Variants in SLC17A3 observed in about 807,000 individuals in gnomAD.
SLC17A3 encodes solute carrier family 17 member 3, also known as sodium-dependent phosphate transport protein 4.
A neutral mutation model predicts 60.3 loss-of-function variants in SLC17A3; 61 were observed. The observed-to-expected ratio is 1.01, with a 90% CI of 0.82 to 1.25. SLC17A3 has a LOEUF of 1.25. Among genes scored for constraint, SLC17A3 ranks in the 50% most tolerant of loss-of-function variants. The pLI is 0.00. For synonymous variants in SLC17A3, 192 were observed against 208.9 expected (o/e 0.92, Z 0.70); for missense variants, 624 against 594.9 (o/e 1.05, Z -0.51).
At chr6:25,868,545 C>T in intron 1 of SLC17A3, 125 bp from the exon 2 acceptor site, 1 of 655,630 alleles carries the variant, frequency 1.5e-6, no homozygotes. Flanking sequence ...GACAGGGAGG[C>T]TCATTATCCC....
rs747585944 is a variant in SLC17A3 at position 25,847,990 on chromosome 6, T to A, written c.1362+1384A>T. Reference sequence around the variant, plus strand: ...TAGCTCCCACTTGTGAGTGAGAATGTATGATGTTTGGTTTTCCATTCCTGA... The same window carrying A: ...TAGCTCCCACTTGTGAGTGAGAATGAATGATGTTTGGTTTTCCATTCCTGA... On this transcript the variant is annotated intron_variant, in intron 11 of 12. Transcript: ENST00000397060. Among the ~76,000 whole-genome samples the A allele has an allele frequency of 7.2e-4, 109 of 152,206 alleles. 2 individuals carry two copies. Among genetic ancestry groups the A allele is most frequent in the Non-Finnish European group, 2.1e-4 (14 of 68,034 alleles).
Position 25,849,407 on chromosome 6 carries a change from A to G in SLC17A3, c.1329T>C (p.Ile443=), listed in dbSNP as rs775191325. ...SRGFSSIAPV[I]VPTVSGFLLS... ...GAAGAAATCCACTGACAGTGGGTAC[A>G]ATGACAGGTGCTATGCTCGAAAATC... Residue 443 remains isoleucine, a synonymous_variant, in exon 11 of 13, where the codon ATT becomes ATC. Coordinates refer to ENST00000397060, the MANE Select transcript of SLC17A3 (RefSeq NM_001098486.2). The G allele has an allele frequency of 6.2e-7, 1 of 1,612,800 alleles. No individual in the cohort carries two copies. The highest frequency in any genetic ancestry group is 1.7e-5 in the Admixed American group (1 of 60,018).
chr6:25,861,297 T>G (rs1380602949), intron 5 of SLC17A3, among the ~76,000 whole-genome samples: 1 of 150,450 alleles, frequency 6.6e-6, no homozygotes, highest in African/African-American at 2.5e-5. Flanking sequence ...CCATATAAAC[T>G]GAAGAAAAAA....
chr6:25,862,152 C>A, intron 3 of SLC17A3, 81 bp downstream of exon 3: 1 of 1,438,544 alleles, frequency 7.0e-7, no homozygotes. Flanking sequence ...AGTTTTTAAA[C>A]ATACATACTC....
In SLC17A3 at chr6:25,845,478, C is replaced by T. The variant is rs772488122; in HGVS notation, c.1401G>A (p.Leu467=). 6.2e-7 allele frequency: 1 copy of T among 1,613,924 alleles called. No homozygotes were observed. ...EFGWRNVFFL[L]FAVNLLGLLF... is the part of the protein sequence containing the mutation. ...GTAGTCCTAACAGGTTAACGGCAAA[C>T]AGCAAGAAGAAGACATTCCTCCACC... The change falls in exon 12 of 13, where the codon CTG becomes CTA. Residue 467 remains leucine, a synonymous_variant. Coordinates refer to ENST00000397060, the MANE Select transcript of SLC17A3 (RefSeq NM_001098486.2).
intron 1 of SLC17A3, 133 bp from the exon 2 acceptor site, chr6:25,868,553 C>A: frequency 4.7e-6 from 3 of 638,286 alleles, no homozygotes; most frequent in Non-Finnish European, 8.4e-6. Context: ...GGCTCATTAT[C>A]CCCTCTTGGC....
chr6:25,867,076 C>T (rs560106246), intron 2 of SLC17A3, among the ~76,000 whole-genome samples: 1 of 152,082 alleles, frequency 6.6e-6, no homozygotes, highest in East Asian at 1.9e-4. Context: ...CAGAGTCTTC[C>T]CCAGCTCAGT....
chr6:25,868,783 A>C (rs1765582625), intron 1 of SLC17A3, among the ~76,000 whole-genome samples: 1 of 152,000 alleles, frequency 6.6e-6, no homozygotes, highest in Non-Finnish European at 1.5e-5. Context: ...TTCATCAAAA[A>C]GTTGCTGTTG....
intron 2 of SLC17A3, among the ~76,000 whole-genome samples, chr6:25,865,056 A>G (rs1376055768): frequency 2.6e-5 from 4 of 151,976 alleles, no homozygotes; most frequent in South Asian, 2.1e-4. Context: ...GTCATGTAAC[A>G]TGATGTCAAA....
Position 25,868,353 on chromosome 6 carries a change from C to G in SLC17A3, c.35G>C (p.Arg12Thr). The G allele has an allele frequency of 6.2e-7, 1 of 1,612,150 alleles. No homozygotes were observed. Among genetic ancestry groups the G allele is most frequent in the Non-Finnish European group, 8.5e-7 (1 of 1,178,790 alleles). The change falls in exon 2 of 13, where the codon AGG becomes ACG. Residue 12 changes from arginine to threonine, a missense_variant. Transcript: ENST00000397060. ...CATATCTTGTGCGTTCTTGCTCTCCCTTGCTGTGGGACTCAACTCTGTCTT... is the reference window on the plus strand; with the variant it reads ...CATATCTTGTGCGTTCTTGCTCTCCGTTGCTGTGGGACTCAACTCTGTCTT... ...ATKTELSPTA[R>T]ESKNAQDMQV...
At chr6:25,850,911 G>A (rs1297211603) in intron 6 of SLC17A3, 34 bp from the exon 7 acceptor site, 1 of 1,516,732 alleles carries the variant, frequency 6.6e-7, no homozygotes, top group African/African-American at 1.4e-5. Context: ...TAAATGGGCT[G>A]TTTTCTGCTT....
intron 10 of SLC17A3, 49 bp downstream of exon 10, chr6:25,849,756 A>G (rs919406049): frequency 8.1e-6 from 13 of 1,595,356 alleles, no homozygotes; most frequent in Non-Finnish European, 1.1e-5. Flanking sequence ...GCTGAAAGCT[A>G]AATCTTTTAA....
Position 25,849,951 on chromosome 6 carries a change from TC to T in SLC17A3, c.1124del (p.Gly375GlufsTer26). Reference protein sequence around the residue: ...ITVRKIATILGSLPSSALIVS... With the variant: ...ITVRKIATILXSLPSSALIVS... ...CAATGAGTGCTGAAGAGGGGAGACTTCCTAGGAAATGAAGAAGAAACCAATT... is the reference window on the plus strand; with the variant it reads ...CAATGAGTGCTGAAGAGGGGAGACTTCTAGGAAATGAAGAAGAAACCAATT... On this transcript the variant is annotated frameshift_variant and splice_region_variant, in exon 10 of 13. Coordinates refer to ENST00000397060, the MANE Select transcript of SLC17A3 (RefSeq NM_001098486.2). LOFTEE classifies it high-confidence loss of function. 1 of 1,613,928 alleles carries T rather than the reference TC, an allele frequency of 6.2e-7. No homozygotes were observed. The highest frequency in any genetic ancestry group is 8.5e-7 in the Non-Finnish European group (1 of 1,179,866).
intron 6 of SLC17A3, 133 bp from the exon 7 acceptor site, chr6:25,851,010 A>G (rs1765267769): frequency 4.1e-6 from 3 of 738,504 alleles, no homozygotes; most frequent in Non-Finnish European, 7.3e-6. Flanking sequence ...CCATTTCTGA[A>G]ACAATTCACC....
intron 8 of SLC17A3, 37 bp from the exon 9 acceptor site, chr6:25,850,214 GGC>G (rs746377832): frequency 6.2e-7 from 1 of 1,600,824 alleles, no homozygotes; most frequent in Non-Finnish European, 8.5e-7. Flanking sequence ...CCATAATAAA[GGC>G]AGTGAGACCA....
chr6:25,845,139 C>T lies in SLC17A3; in HGVS notation c.*162G>A, dbSNP rs566421895. On this transcript the variant is annotated 3_prime_UTR_variant, in exon 13 of 13. Coordinates refer to ENST00000397060, the MANE Select transcript of SLC17A3 (RefSeq NM_001098486.2). The stretch of plus-strand genomic sequence containing the variant: ...TTTATTTGAATTTTTATTCATCTTA[C>T]ATTTCTCTCAAAAAAAAGTCTGAAT... 2.2e-5 allele frequency: 10 copies of T among 459,798 alleles called. No individual in the cohort carries two copies. The highest frequency in any genetic ancestry group is 3.6e-5 in the Non-Finnish European group (9 of 253,262). The allele number at this position is 459,798 out of a possible 1,614,324, so 28.5% of individuals were successfully genotyped here. A position where few individuals can be genotyped will look rare whatever the true frequency, so the allele number is the denominator to read the frequency against.
In SLC17A3 at chr6:25,849,852, T is replaced by A. The variant is rs1366381049; in HGVS notation, c.1224A>T (p.Thr408=). Residue 408 remains threonine (T), a synonymous_variant, in exon 10 of 13, where the codon ACA becomes ACT. Transcript: ENST00000397060. ...ALLTLSCGLS[T]LCQSGIYINV... ...TGATATAAATCCCTGACTGACACAA[T>A]GTGCTTAATCCGCAAGAGAGCGTCA... The A allele has an allele frequency of 6.2e-7, 1 of 1,614,034 alleles. No homozygotes were observed. Among genetic ancestry groups the A allele is most frequent in the Non-Finnish European group, 8.5e-7 (1 of 1,179,878 alleles).
At position 25,850,821 on chromosome 6, in the gene SLC17A3, C is replaced by CG. The variant is rs1292911583; in HGVS notation, c.768dup (p.Val257ArgfsTer26). On this transcript the variant is annotated frameshift_variant, in exon 7 of 13. Transcript: ENST00000397060. LOFTEE classifies it high-confidence loss of function. ...GAGGTGCTTATCCATGGATAGGAAA[C>CG]GGGGTCATCATAAATCACAACAAAC... 6.2e-7 allele frequency: 1 copy of CG among 1,613,864 alleles called. No individual in the cohort carries two copies. Among genetic ancestry groups the CG allele is most frequent in the Non-Finnish European group, 8.5e-7 (1 of 1,179,938 alleles).
rs1765149219 is a variant in SLC17A3 at position 25,845,065 on chromosome 6, A to T, written c.*236T>A. On this transcript the variant is annotated 3_prime_UTR_variant, in exon 13 of 13. Transcript: ENST00000397060. ...TGGGTCCCACACAGCAAGCCCTCTT[A>T]ATCCATTGTTAATTCTATGAAGATG... 3.1e-6 allele frequency: 1 copy of T among 320,360 alleles called. No individual in the cohort carries two copies. Among genetic ancestry groups the T allele is most frequent in the African/African-American group, 2.1e-5 (1 of 46,772 alleles). 19.8% of individuals were successfully genotyped at this position (320,360 alleles called of 1,614,324 possible).
Sources: allele counts gnomAD v4.1 joint callset (sites outside exome capture counted in the v4.1 genomes callset), GRCh38; gene constraint gnomAD v4.1.1; transcripts MANE v1.5; gene names NCBI Gene and HGNC (gene_info 2026-07-23, HGNC 2026-07-21).